XYLB: variants seen among roughly 807,000 people sequenced by gnomAD.
XYLB encodes xylulokinase, also known as xylulose kinase.
Under a neutral mutation model 78.7 loss-of-function variants are expected in XYLB, and 62 were observed. That is an observed-to-expected ratio of 0.79 (90% CI 0.64 to 0.97). The LOEUF (loss-of-function observed/expected upper bound fraction) is 0.97. XYLB is among the 50% of genes least tolerant of loss of function. The pLI, the probability that XYLB is intolerant of heterozygous loss-of-function variation, is 0.00. For synonymous variants in XYLB, 245 were observed against 247.4 expected (o/e 0.99, Z 0.09); for missense variants, 687 against 676.8 (o/e 1.02, Z -0.17).
chr3:38,442,854 T>A, the XYLB span, among the ~76,000 whole-genome samples: 2 of 151,830 alleles, frequency 1.3e-5, no homozygotes, highest in Non-Finnish European at 2.9e-5. Context: ...TCTTTTAGCC[T>A]GATTTGGATT....
chr3:38,430,369 G>A, the XYLB span, among the ~76,000 whole-genome samples: 48 of 152,288 alleles, frequency 3.2e-4, no homozygotes, highest in Admixed American at 1.4e-3. Context: ...AGAAGTGTCT[G>A]TTCATATCCT....
chr3:38,425,987 CT>C (rs1199219100), downstream of XYLB, among the ~76,000 whole-genome samples: 1 of 152,202 alleles, frequency 6.6e-6, no homozygotes, highest in Non-Finnish European at 1.5e-5. Context: ...GTAAAGCTTT[CT>C]GGTCCTTGGG....
chr3:38,400,824 C>T (rs1265378376), intron 17 of XYLB, 67 bp from the exon 18 acceptor site: 15 of 1,350,282 alleles, frequency 1.1e-5, no homozygotes, highest in African/African-American at 5.8e-5. Flanking sequence ...TGAGATCCTT[C>T]GTGGTGTTTT....
chr3:38,351,272 T>C (rs1403083393), intron 2 of XYLB, among the ~76,000 whole-genome samples: 2 of 151,814 alleles, frequency 1.3e-5, no homozygotes, highest in African/African-American at 2.4e-5. Context: ...TTTAATTTCA[T>C]TGTGGTCTGA....
At chr3:38,434,080 G>T in the XYLB span, among the ~76,000 whole-genome samples, 1 of 152,204 alleles carries the variant, frequency 6.6e-6, no homozygotes, top group East Asian at 1.9e-4. Flanking sequence ...AGGTGGGGAA[G>T]CCCCTTATAA....
downstream of XYLB, among the ~76,000 whole-genome samples, chr3:38,418,215 A>G (rs913454950): frequency 2.0e-5 from 3 of 146,764 alleles, no homozygotes; most frequent in African/African-American, 7.8e-5. Flanking sequence ...AAAAAAAAAG[A>G]TATATATATA....
At chr3:38,394,807 C>G (rs1392050630) in intron 15 of XYLB, among the ~76,000 whole-genome samples, 1 of 152,198 alleles carries the variant, frequency 6.6e-6, no homozygotes, top group Non-Finnish European at 1.5e-5. Flanking sequence ...TTGACTGACG[C>G]TGGAGGATCT....
intron 18 of XYLB, among the ~76,000 whole-genome samples, chr3:38,405,526 G>C (rs1210125804): frequency 6.6e-6 from 1 of 152,222 alleles, no homozygotes; most frequent in East Asian, 1.9e-4. Context: ...GTGCCAGACA[G>C]TGGGCACAGG....
chr3:38,427,737 C>T, the XYLB span, among the ~76,000 whole-genome samples: 18 of 152,178 alleles, frequency 1.2e-4, no homozygotes, highest in East Asian at 1.9e-3. Context: ...GGACTACAGG[C>T]GCCCACCACC....
chr3:38,374,603 C>T, intron 11 of XYLB, 101 bp downstream of exon 11: 4 of 1,519,542 alleles, frequency 2.6e-6, no homozygotes, highest in Non-Finnish European at 3.6e-6. Flanking sequence ...ATCCCAGGGT[C>T]CCAGGGTCTG....
intron 18 of XYLB, among the ~76,000 whole-genome samples, chr3:38,410,764 A>G (rs1190777805): frequency 6.6e-6 from 1 of 152,088 alleles, no homozygotes; most frequent in South Asian, 2.1e-4. Flanking sequence ...TATGCAGCCA[A>G]AAGACACATG....
At chr3:38,446,426 C>A in the XYLB span, among the ~76,000 whole-genome samples, 3 of 152,172 alleles carry the variant, frequency 2.0e-5, no homozygotes, top group African/African-American at 7.2e-5. Context: ...CAAGTCCCCA[C>A]CCCATCCAGA....
the XYLB span, among the ~76,000 whole-genome samples, chr3:38,431,367 A>G: frequency 6.6e-6 from 1 of 152,128 alleles, no homozygotes; most frequent in Non-Finnish European, 1.5e-5. Flanking sequence ...TTCTTGGTGT[A>G]TAGGAATGCT....
chr3:38,399,402 G>A (rs1269065366), intron 17 of XYLB, among the ~76,000 whole-genome samples: 2 of 151,962 alleles, frequency 1.3e-5, no homozygotes, highest in African/African-American at 2.4e-5. Flanking sequence ...TAGGATTACC[G>A]CACCCAGGCT....
rs757946315 is a variant in XYLB at position 38,395,530 on chromosome 3, A to C, written c.1317A>C (p.Thr439=). The change falls in exon 16 of 19, where the codon ACA becomes ACC. Residue 439 remains threonine (T), a synonymous_variant. Coordinates refer to ENST00000207870, the MANE Select transcript of XYLB (RefSeq NM_005108.4). The part of the protein sequence containing the change: ...RVMSKTKILA[T]GGASHNREIL... ...TGTCCAAGACAAAGATTTTGGCCAC[A>C]GGAGGAGCATCTCACAATAGAGAAA... 3 of 1,614,118 alleles carry C rather than the reference A, an allele frequency of 1.9e-6. No homozygotes were observed. The highest frequency in any genetic ancestry group is 2.5e-6 in the Non-Finnish European group (3 of 1,180,046).
Position 38,414,485 on chromosome 3 carries a change from A to G in XYLB, c.*1472A>G, listed in dbSNP as rs1708722598. 6.6e-6 allele frequency: 1 copy of G among 152,240 alleles called. No homozygotes were observed. Among genetic ancestry groups the G allele is most frequent in the Admixed American group, 6.5e-5 (1 of 15,282 alleles). The allele number at this position is 152,240 out of a possible 1,614,324, so 9.4% of individuals were successfully genotyped here. A position where few individuals can be genotyped will look rare whatever the true frequency, so the allele number is the denominator to read the frequency against. On this transcript the variant is annotated 3_prime_UTR_variant, in exon 19 of 19. Coordinates refer to ENST00000207870, the MANE Select transcript of XYLB (RefSeq NM_005108.4). ...GACATTTTACATTATTGTCCAGCAGAAAAAGGCTGTCTTGGACCATGAAAC... is the reference window on the plus strand; with the variant it reads ...GACATTTTACATTATTGTCCAGCAGGAAAAGGCTGTCTTGGACCATGAAAC...
the XYLB span, among the ~76,000 whole-genome samples, chr3:38,427,612 G>A: frequency 1.3e-5 from 2 of 150,848 alleles, no homozygotes; most frequent in South Asian, 4.2e-4. Flanking sequence ...TTCTTTTTTT[G>A]AGACAGAATC....
rs1205474245 is a variant in XYLB, at chr3:38,365,060, T to C, written c.292-139T>C. 3 of 684,212 alleles carry C rather than the reference T, an allele frequency of 4.4e-6. No homozygotes were observed. The African/African-American group carries it at 5.3e-5, about 12-fold the overall frequency. The allele number at this position is 684,212 out of a possible 1,614,324, so 42.4% of individuals were successfully genotyped here. On this transcript the variant is annotated intron_variant, in intron 4 of 18. Transcript: ENST00000207870. ...TGGAAACCAAGTCCCAGGAGGGTGA[T>C]GAGCTCTGTGACTAAGAAGTGGCAG...
At chr3:38,399,231 G>A (rs566679386) in intron 17 of XYLB, among the ~76,000 whole-genome samples, 16 of 150,136 alleles carry the variant, frequency 1.1e-4, no homozygotes, top group Admixed American at 2.6e-4. Context: ...TCAGCCTCCC[G>A]GATAGCTGGG....
Sources: allele counts gnomAD v4.1 joint callset (sites outside exome capture counted in the v4.1 genomes callset), GRCh38; gene constraint gnomAD v4.1.1; transcripts MANE v1.5; gene names NCBI Gene and HGNC (gene_info 2026-07-23, HGNC 2026-07-21).